The following MBD5 variants were observed in gnomAD, a reference collection of about 807,000 sequenced individuals.
The protein encoded by MBD5 is methyl-CpG binding domain protein 5.
MBD5 carries 13 observed loss-of-function variants against 117.3 expected under a neutral mutation model. That is an observed-to-expected ratio of 0.11 (90% CI 0.07 to 0.18). MBD5 has a LOEUF of 0.18. Among genes scored for constraint, MBD5 ranks in the 10% least tolerant of loss-of-function variants. The pLI, the probability that MBD5 is intolerant of heterozygous loss-of-function variation, is 1.00. For missense variants in MBD5, 1,879 were observed against 2,093.8 expected, an observed-to-expected ratio of 0.90 and a Z score of 2.00; for synonymous variants, 727 against 766.4, an observed-to-expected ratio of 0.95 and a Z score of 0.85.
chr2:148,119,086 G>A (rs117117455), intron 1 of MBD5, among the ~76,000 whole-genome samples: 521 of 152,084 alleles, frequency 3.4e-3, no homozygotes, highest in East Asian at 8.3e-3. Context: ...ACATTTTGAG[G>A]AACTTCTAAA....
intron 4 of MBD5, among the ~76,000 whole-genome samples, chr2:148,351,896 C>G (rs1225502844): frequency 6.6e-6 from 1 of 152,038 alleles, no homozygotes; most frequent in Non-Finnish European, 1.5e-5. Context: ...AAAGTATAAT[C>G]TCTGACTCTT....
At chr2:148,395,770 T>C (rs1334090563) in intron 4 of MBD5, among the ~76,000 whole-genome samples, 5 of 152,110 alleles carry the variant, frequency 3.3e-5, no homozygotes, top group Non-Finnish European at 7.4e-5. Context: ...AACCAACGTG[T>C]ATGCCTAATG....
chr2:148,394,545 G>GTTTTTTTTTTTTTTATTTT (rs1704651890), intron 4 of MBD5, among the ~76,000 whole-genome samples: 4 of 121,842 alleles, frequency 3.3e-5, no homozygotes, highest in Admixed American at 8.1e-5. Flanking sequence ...CTGTACTTTG[G>GTTTTTTTTTTTTTTATTTT]TTTTTTTTTT....
At position 148,251,688 on chromosome 2, in the gene MBD5, TC is replaced by T. The variant is rs147023883; in HGVS notation, c.-680+18294del. 6.0e-3 allele frequency among the ~76,000 whole-genome samples: 921 copies of T among 152,306 alleles called. 9 individuals carry two copies. Among genetic ancestry groups the T allele is most frequent in the African/African-American group, 0.021 (859 of 41,568 alleles). Reference sequence around the variant, plus strand: ...CTTCATATTTTAAGGTGTTCCAAATTCTGCGTATTTAGTTAAATGTTAGTAT... The same window carrying T: ...CTTCATATTTTAAGGTGTTCCAAATTTGCGTATTTAGTTAAATGTTAGTAT... On this transcript the variant is annotated intron_variant, in intron 3 of 13. Coordinates refer to ENST00000642680, the MANE Select transcript of MBD5 (RefSeq NM_001378120.1).
chr2:148,418,997 A>G (rs184388669), intron 4 of MBD5, among the ~76,000 whole-genome samples: 66 of 152,316 alleles, frequency 4.3e-4, no homozygotes, highest in Non-Finnish European at 7.6e-4. Context: ...AGGCTATAGT[A>G]ACCAAAACAG....
chr2:148,189,457 C>T (rs1235075926), intron 2 of MBD5, among the ~76,000 whole-genome samples: 5 of 142,640 alleles, frequency 3.5e-5, no homozygotes, highest in East Asian at 2.2e-4. Context: ...CCGTGACCCC[C>T]GAGCAGCCTA....
chr2:148,414,846 A>G (rs748191752), intron 4 of MBD5, among the ~76,000 whole-genome samples: 1 of 151,990 alleles, frequency 6.6e-6, no homozygotes, highest in East Asian at 1.9e-4. Context: ...CTTTGAGCCT[A>G]TGGGTATCAT....
At position 148,488,583 on chromosome 2, in the gene MBD5, A is replaced by G. The variant is rs185633776; in HGVS notation, c.3754-803A>G. 3.1e-3 allele frequency among the ~76,000 whole-genome samples: 443 copies of G among 144,430 alleles called. 3 individuals carry two copies. In the Middle Eastern group the frequency reaches 0.04, roughly 13 times the overall value. The allele number at this position is 144,430 out of a possible 152,430, so 94.8% of individuals were successfully genotyped here. A position where few individuals can be genotyped will look rare whatever the true frequency, so the allele number is the denominator to read the frequency against. ...GGGAAGGATGTAAAGAAAGAGAGAG[A>G]TCATTGTGGAAAAAAATCTGAAAGT... On this transcript the variant is annotated intron_variant, in intron 10 of 13. Coordinates refer to ENST00000642680, the MANE Select transcript of MBD5 (RefSeq NM_001378120.1).
At chr2:148,265,922 C>G (rs1029878406) in intron 3 of MBD5, among the ~76,000 whole-genome samples, 2 of 107,756 alleles carry the variant, frequency 1.9e-5, no homozygotes, top group African/African-American at 6.2e-5. Context: ...AGAACAAGTT[C>G]AGGAAAGAGA....
intron 1 of MBD5, among the ~76,000 whole-genome samples, chr2:148,102,931 A>G (rs1039661209): frequency 1.3e-5 from 2 of 152,172 alleles, no homozygotes; most frequent in Non-Finnish European, 2.9e-5. Context: ...TGACCAAAAA[A>G]GTATACAAAA....
At chr2:148,503,814 A>G (rs955854330) in intron 12 of MBD5, among the ~76,000 whole-genome samples, 4 of 152,208 alleles carry the variant, frequency 2.6e-5, no homozygotes, top group Non-Finnish European at 5.9e-5. Context: ...TAAAATTAAT[A>G]CAAGGTCTGG....
chr2:148,226,561 C>T (rs975224137), intron 2 of MBD5, among the ~76,000 whole-genome samples: 88 of 152,142 alleles, frequency 5.8e-4, no homozygotes, highest in African/African-American at 2.1e-3. Context: ...TAAATAGTGC[C>T]GCAATAAACA....
chr2:148,290,081 A>C (rs1447382102), intron 3 of MBD5, among the ~76,000 whole-genome samples: 2 of 149,066 alleles, frequency 1.3e-5, no homozygotes, highest in African/African-American at 5.0e-5. Context: ...TCAGCCTCCC[A>C]AGTAGCTGGG....
At chr2:148,502,888 C>T (rs528870417) in intron 12 of MBD5, 69 of 289,592 alleles carry the variant, frequency 2.4e-4, no homozygotes, top group African/African-American at 1.4e-3. Flanking sequence ...AAATACCCCT[C>T]GTTGTACACA....
chr2:148,328,327 T>C (rs891392524), intron 3 of MBD5, among the ~76,000 whole-genome samples: 14 of 152,136 alleles, frequency 9.2e-5, no homozygotes, highest in Admixed American at 6.5e-5. Context: ...AGGTGGAGCC[T>C]ACAGAGGCAG....
chr2:148,182,921 C>T (rs1370434467), intron 2 of MBD5, among the ~76,000 whole-genome samples: 1 of 152,166 alleles, frequency 6.6e-6, no homozygotes, highest in Non-Finnish European at 1.5e-5. Flanking sequence ...AATTGATTGT[C>T]CTAACTCTGA....
chr2:148,161,084 G>C (rs545379756), intron 1 of MBD5, among the ~76,000 whole-genome samples: 1 of 152,052 alleles, frequency 6.6e-6, no homozygotes, highest in Non-Finnish European at 1.5e-5. Flanking sequence ...ACAAATATTG[G>C]TCCTGGTACC....
intron 3 of MBD5, chr2:148,243,755 C>T (rs1181119442): frequency 6.6e-6 from 1 of 151,980 alleles, no homozygotes; most frequent in African/African-American, 2.4e-5. Context: ...CCAGGCTAGA[C>T]CTTTTTCGGG....
intron 1 of MBD5, among the ~76,000 whole-genome samples, chr2:148,069,431 T>C (rs998374945): frequency 6.0e-5 from 9 of 150,758 alleles, no homozygotes; most frequent in Non-Finnish European, 1.3e-4. Context: ...GCATTCATAG[T>C]TTTTTTTTAA....
Sources: allele counts gnomAD v4.1 joint callset (sites outside exome capture counted in the v4.1 genomes callset), GRCh38; gene constraint gnomAD v4.1.1; transcripts MANE v1.5; gene names NCBI Gene and HGNC (gene_info 2026-07-23, HGNC 2026-07-21).